The following SPATA17 variants were observed in gnomAD, a reference collection of about 807,000 sequenced individuals.
SPATA17 encodes spermatogenesis-associated protein 17.
Under a neutral mutation model 62.2 loss-of-function variants are expected in SPATA17, and 53 were observed. That is an observed-to-expected ratio of 0.85 (90% CI 0.68 to 1.07). The LOEUF (loss-of-function observed/expected upper bound fraction) is 1.07, where lower values mean the gene tolerates loss of function less well. SPATA17 is among the 50% of genes least tolerant of loss of function. The probability of loss-of-function intolerance (pLI) is 0.00; values close to 1 mark genes in which losing one functional copy is unlikely to be tolerated. For synonymous variants in SPATA17, 146 were observed against 146.8 expected, an observed-to-expected ratio of 0.99 and a Z score of 0.04; for missense variants, 466 against 425.5, an observed-to-expected ratio of 1.10 and a Z score of -0.84.
chr1:217,846,329 T>C (rs973963204), intron 9 of SPATA17, among the ~76,000 whole-genome samples: 1 of 152,124 alleles, frequency 6.6e-6, no homozygotes, highest in African/African-American at 2.4e-5. Flanking sequence ...CAACTCATAA[T>C]TATTTCAGTC....
At chr1:217,854,555 C>A (rs537913534) in intron 9 of SPATA17, among the ~76,000 whole-genome samples, 1 of 152,288 alleles carries the variant, frequency 6.6e-6, no homozygotes, top group South Asian at 2.1e-4. Flanking sequence ...AAGACTGATA[C>A]AACTTCCTTC....
chr1:217,784,579 T>A (rs1224674769), intron 8 of SPATA17, among the ~76,000 whole-genome samples: 1 of 152,146 alleles, frequency 6.6e-6, no homozygotes, highest in Admixed American at 6.6e-5. Flanking sequence ...GTCTGTAAGA[T>A]GAAGCAGAAA....
chr1:217,690,460 T>A (rs1333583007), intron 5 of SPATA17, among the ~76,000 whole-genome samples: 1 of 88,262 alleles, frequency 1.1e-5, no homozygotes, highest in Non-Finnish European at 2.3e-5. Flanking sequence ...ATTTTTATTT[T>A]ATTTTATTTT....
intron 9 of SPATA17, among the ~76,000 whole-genome samples, chr1:217,811,307 C>T (rs1674580748): frequency 6.6e-6 from 1 of 152,122 alleles, no homozygotes; most frequent in South Asian, 2.1e-4. Flanking sequence ...GGATTACAGG[C>T]GTGAGCCACC....
chr1:217,818,941 A>G (rs1674791592), intron 9 of SPATA17, among the ~76,000 whole-genome samples: 1 of 143,558 alleles, frequency 7.0e-6, no homozygotes, highest in Non-Finnish European at 1.5e-5. Context: ...CCTTTGGGCC[A>G]TATAGAATTT....
intron 6 of SPATA17, among the ~76,000 whole-genome samples, chr1:217,770,833 TA>T (rs1228269555): frequency 1.3e-5 from 2 of 152,058 alleles, no homozygotes; most frequent in Non-Finnish European, 1.5e-5. Flanking sequence ...AATGTAATGC[TA>T]GGGGTGACTG....
At chr1:217,654,855 G>A (rs1224292140) in intron 3 of SPATA17, among the ~76,000 whole-genome samples, 2 of 151,940 alleles carry the variant, frequency 1.3e-5, no homozygotes, top group African/African-American at 4.8e-5. Flanking sequence ...TGGGACTACA[G>A]GCACGTGCCA....
chr1:217,714,830 C>T (rs1025582107), intron 5 of SPATA17, among the ~76,000 whole-genome samples: 1 of 152,076 alleles, frequency 6.6e-6, no homozygotes, highest in East Asian at 1.9e-4. Context: ...AATAGTCTGA[C>T]TTGTACTCTG....
At chr1:217,698,845 A>G (rs1209803664) in intron 5 of SPATA17, among the ~76,000 whole-genome samples, 2 of 152,162 alleles carry the variant, frequency 1.3e-5, no homozygotes, top group Non-Finnish European at 2.9e-5. Flanking sequence ...GCCCTTTTAT[A>G]ACCACATTCA....
chr1:217,635,702 T>C (rs1294817458), intron 1 of SPATA17, among the ~76,000 whole-genome samples: 1 of 150,914 alleles, frequency 6.6e-6, no homozygotes, highest in Non-Finnish European at 1.5e-5. Flanking sequence ...AGACTCAAAT[T>C]CTGATTGGCA....
Position 217,777,556 on chromosome 1 carries a change from C to T in SPATA17, c.723+3019C>T, listed in dbSNP as rs573092366. Among the ~76,000 whole-genome samples the T allele has an allele frequency of 7.2e-5, 11 of 152,272 alleles. No homozygotes were observed. The East Asian group carries it at 2.1e-3, about 29-fold the overall frequency. The stretch of plus-strand genomic sequence containing the variant: ...AGCTGGTATTACAGGCACCTGCCAC[C>T]ATGCCCTGCTAAGTTTTGTATTTTT... On this transcript the variant is annotated intron_variant, in intron 7 of 10. Coordinates refer to ENST00000366933, the MANE Select transcript of SPATA17 (RefSeq NM_138796.4).
At chr1:217,834,673 A>C (rs1440778948) in intron 9 of SPATA17, among the ~76,000 whole-genome samples, 3 of 152,192 alleles carry the variant, frequency 2.0e-5, no homozygotes, top group South Asian at 2.1e-4. Context: ...AAAAGTTAAA[A>C]AAATTCAAAA....
intron 4 of SPATA17, among the ~76,000 whole-genome samples, chr1:217,678,205 C>CTTTTTTTTTTTTTTTTTTT (rs974715757): frequency 5.6e-5 from 6 of 107,552 alleles, no homozygotes; most frequent in African/African-American, 7.1e-5. Flanking sequence ...CTTTTCTTTT[C>CTTTTTTTTTTTTTTTTTTT]TTTTTTTTTT....
chr1:217,709,742 A>T (rs1037690742), intron 5 of SPATA17, among the ~76,000 whole-genome samples: 20 of 152,212 alleles, frequency 1.3e-4, no homozygotes, highest in African/African-American at 4.8e-4. Flanking sequence ...TCAGTGATGC[A>T]CATATTGTAT....
At chr1:217,863,026 A>T (rs1675928712) in intron 10 of SPATA17, among the ~76,000 whole-genome samples, 170 bp downstream of exon 10, 2 of 152,130 alleles carry the variant, frequency 1.3e-5, no homozygotes, top group South Asian at 4.1e-4. Context: ...TTCAACATTT[A>T]AAAGATCATG....
chr1:217,687,107 T>C (rs1232347499), intron 5 of SPATA17, among the ~76,000 whole-genome samples: 1 of 152,228 alleles, frequency 6.6e-6, no homozygotes, highest in Non-Finnish European at 1.5e-5. Context: ...TTAATACTAC[T>C]ACTAGTTAAT....
At chr1:217,755,688 A>G (rs1024646450) in intron 6 of SPATA17, among the ~76,000 whole-genome samples, 1 of 151,890 alleles carries the variant, frequency 6.6e-6, no homozygotes, top group Non-Finnish European at 1.5e-5. Flanking sequence ...TTAACATCCC[A>G]CTAAATAAAT....
intron 3 of SPATA17, among the ~76,000 whole-genome samples, chr1:217,656,582 T>TATG (rs777640126): frequency 3.0e-4 from 36 of 118,466 alleles, no homozygotes; most frequent in Non-Finnish European, 4.1e-4. Flanking sequence ...ATGTATGTAT[T>TATG]TATTTATTTT....
intron 9 of SPATA17, among the ~76,000 whole-genome samples, chr1:217,832,860 C>G (rs1184477195): frequency 2.0e-5 from 3 of 152,020 alleles, no homozygotes; most frequent in East Asian, 3.9e-4. Context: ...GGAGGATCAC[C>G]TGATCCTGGG....
Sources: allele counts gnomAD v4.1 joint callset (sites outside exome capture counted in the v4.1 genomes callset), GRCh38; gene constraint gnomAD v4.1.1; transcripts MANE v1.5; gene names NCBI Gene and HGNC (gene_info 2026-07-23, HGNC 2026-07-21).